TEK: variants seen among roughly 807,000 people sequenced by gnomAD.
The protein encoded by TEK is TEK receptor tyrosine kinase.
In TEK, 43 loss-of-function variants were observed where a neutral mutation model predicts 131.8. The ratio of observed to expected loss-of-function variants is 0.33; its 90% CI spans 0.26 to 0.42. TEK has a LOEUF of 0.42. TEK is among the 10% of genes least tolerant of loss of function. The pLI is 1.00. For synonymous variants in TEK, 580 were observed against 491.6 expected, an observed-to-expected ratio of 1.18 and a Z score of -2.38; for missense variants, 1,162 against 1,384.4, an observed-to-expected ratio of 0.84 and a Z score of 2.55.
intron 21 of TEK, among the ~76,000 whole-genome samples, chr9:27,224,966 GACAA>G (rs755262149): frequency 1.1e-4 from 16 of 152,288 alleles, no homozygotes; most frequent in African/African-American, 2.9e-4. Flanking sequence ...ACCAATAGCA[GACAA>G]ACAGAGAGCC....
At chr9:27,183,249 A>G (rs1171151249) in intron 7 of TEK, among the ~76,000 whole-genome samples, 1 of 152,178 alleles carries the variant, frequency 6.6e-6, no homozygotes, top group African/African-American at 2.4e-5. Flanking sequence ...CTGAGTCTGA[A>G]TCTGGGCTGT....
intron 1 of TEK, among the ~76,000 whole-genome samples, chr9:27,135,674 T>C (rs544059666): frequency 5.9e-5 from 9 of 152,180 alleles, no homozygotes; most frequent in Non-Finnish European, 1.3e-4. Context: ...GCACAGAGGC[T>C]AAATAACTTA....
At chr9:27,209,315 C>A in intron 16 of TEK, 84 bp downstream of exon 16, 5 of 1,014,628 alleles carry the variant, frequency 4.9e-6, no homozygotes, top group South Asian at 1.3e-5. Context: ...AGATAATGAT[C>A]TTAAGAATGT....
intron 1 of TEK, among the ~76,000 whole-genome samples, chr9:27,145,321 G>C (rs190049963): frequency 6.6e-6 from 1 of 152,162 alleles, no homozygotes; most frequent in Non-Finnish European, 1.5e-5. Flanking sequence ...GCTCTTGATC[G>C]GCCTGTTTCC....
intron 3 of TEK, 144 bp from the exon 4 acceptor site, chr9:27,169,333 C>G: frequency 9.3e-7 from 1 of 1,078,148 alleles, no homozygotes; most frequent in Non-Finnish European, 1.4e-6. Context: ...AATAGTTCAG[C>G]ATTTTCATTC....
At chr9:27,134,041 G>A (rs1822325854) in intron 1 of TEK, among the ~76,000 whole-genome samples, 1 of 152,182 alleles carries the variant, frequency 6.6e-6, no homozygotes, top group Non-Finnish European at 1.5e-5. Context: ...ATTTTCCACT[G>A]GCTGTAGACT....
Position 27,192,516 on chromosome 9 carries a change from A to C in TEK, c.1517A>C (p.Tyr506Ser). The change falls in exon 11 of 23, where the codon TAT becomes TCT. Residue 506 changes from tyrosine to serine, a missense_variant. By Grantham distance (144) the Tyr-to-Ser change is moderately radical. Coordinates refer to ENST00000380036, the MANE Select transcript of TEK (RefSeq NM_000459.5). ...QVTNEIVTLN[Y>S]LEPRTEYELC... is the part of the protein sequence containing the mutation. ...ACAAATGAGATTGTTACACTCAACT[A>C]TTTGGAACCTCGGACAGAATATGAA... 6.2e-7 allele frequency: 1 copy of C among 1,613,992 alleles called. No homozygotes were observed. The highest frequency in any genetic ancestry group is 8.5e-7 in the Non-Finnish European group (1 of 1,179,934).
In TEK at chr9:27,197,304, G is replaced by T; in HGVS notation, c.1625-11G>T. ...ATATATAAAAATAATGATTTTTCTG[G>T]ATTCTCCTAGGACTCCCTCCTCCAA... On this transcript the variant is annotated splice_polypyrimidine_tract_variant and intron_variant, in intron 11 of 22. Coordinates refer to ENST00000380036, the MANE Select transcript of TEK (RefSeq NM_000459.5). The T allele has an allele frequency of 5.0e-6, 8 of 1,613,428 alleles. No individual in the cohort carries two copies. The highest frequency in any genetic ancestry group is 6.8e-6 in the Non-Finnish European group (8 of 1,179,760).
intron 21 of TEK, among the ~76,000 whole-genome samples, chr9:27,222,830 C>T (rs371144141): frequency 6.6e-6 from 1 of 152,050 alleles, no homozygotes; most frequent in Non-Finnish European, 1.5e-5. Flanking sequence ...CCAGCTAGTG[C>T]AGCATAATGA....
chr9:27,170,014 T>G (rs1310763354), intron 4 of TEK, among the ~76,000 whole-genome samples: 2 of 152,172 alleles, frequency 1.3e-5, no homozygotes, highest in Admixed American at 1.3e-4. Flanking sequence ...CAGTTCAATA[T>G]GGCTGGGGAG....
In TEK at chr9:27,228,355, C is replaced by T. The variant is rs749013329; in HGVS notation, c.3300+50C>T. On this transcript the variant is annotated intron_variant, in intron 22 of 22. Coordinates refer to ENST00000380036, the MANE Select transcript of TEK (RefSeq NM_000459.5). Reference sequence around the variant, plus strand: ...ATCTTTAATTGGAATACCTGATGTGCCCAGGGTGGTTCATAAAAAACATTG... The same window carrying T: ...ATCTTTAATTGGAATACCTGATGTGTCCAGGGTGGTTCATAAAAAACATTG... The T allele has an allele frequency of 6.4e-6, 9 of 1,402,032 alleles. No individual in the cohort carries two copies. In the South Asian group the frequency reaches 1.0e-4, roughly 16 times the overall value. The allele number at this position is 1,402,032 out of a possible 1,614,324, so 86.8% of individuals were successfully genotyped here.
intron 13 of TEK, 42 bp from the exon 14 acceptor site, chr9:27,204,869 T>C (rs1024421885): frequency 2.8e-5 from 45 of 1,612,166 alleles, no homozygotes; most frequent in Non-Finnish European, 3.7e-5. Flanking sequence ...TGTTTCTCTA[T>C]GTAAACTAAA....
intron 1 of TEK, among the ~76,000 whole-genome samples, chr9:27,133,913 A>G (rs902653080): frequency 4.6e-5 from 7 of 152,230 alleles, no homozygotes; most frequent in African/African-American, 1.7e-4. Context: ...TCAGACAAAG[A>G]CAGCCCAGAG....
In TEK at chr9:27,111,930, G is replaced by A. The variant is rs140584016; in HGVS notation, c.52+2288G>A. On this transcript the variant is annotated intron_variant, in intron 1 of 22. Coordinates refer to ENST00000380036, the MANE Select transcript of TEK (RefSeq NM_000459.5). ...TTTTTTTTTTTTGAGATGGAGTCTC[G>A]CTCTGTCACCCAGACTAGAATGTAG... Among the ~76,000 whole-genome samples the A allele has an allele frequency of 1.0e-3, 138 of 135,718 alleles. 1 individual carries two copies. In the East Asian group the frequency reaches 0.019, roughly 19 times the overall value. 89.0% of individuals were successfully genotyped at this position (135,718 alleles called of 152,430 possible).
intron 1 of TEK, among the ~76,000 whole-genome samples, chr9:27,127,412 C>G (rs575066426): frequency 1.3e-5 from 2 of 152,128 alleles, no homozygotes; most frequent in Non-Finnish European, 2.9e-5. Flanking sequence ...TCTTTGCTAT[C>G]GTGAATAGTG....
At chr9:27,222,018 G>GAATAACCAGTTT (rs1826105014) in intron 21 of TEK, among the ~76,000 whole-genome samples, 1 of 152,182 alleles carries the variant, frequency 6.6e-6, no homozygotes, top group South Asian at 2.1e-4. Flanking sequence ...ATTGCAACTA[G>GAATAACCAGTTT]AATAACCAGT....
At chr9:27,183,125 G>A (rs566940986) in intron 7 of TEK, among the ~76,000 whole-genome samples, 35 of 152,288 alleles carry the variant, frequency 2.3e-4, no homozygotes, top group African/African-American at 7.9e-4. Flanking sequence ...GAACAGCAAA[G>A]TCTAGGGGAG....
At chr9:27,191,863 A>C in intron 10 of TEK, 1 of 448,156 alleles carries the variant, frequency 2.2e-6, no homozygotes. Flanking sequence ...TGTTAAACAC[A>C]TCCCAGTTTT....
chr9:27,127,834 T>C (rs1822049735), intron 1 of TEK, among the ~76,000 whole-genome samples: 1 of 152,244 alleles, frequency 6.6e-6, no homozygotes, highest in African/African-American at 2.4e-5. Flanking sequence ...TTTGATTTTT[T>C]CTTGTAAATT....
Sources: gnomAD v4.1 joint callset for allele counts (sites outside exome capture counted in the v4.1 genomes callset) on GRCh38, gnomAD v4.1.1 for gene constraint, MANE v1.5 for transcripts, NCBI Gene and HGNC (gene_info 2026-07-23, HGNC 2026-07-21) for gene names.